Variants in PLXNA2 observed in about 807,000 individuals in gnomAD.
PLXNA2 encodes the protein plexin-A2.
PLXNA2 carries 91 observed loss-of-function variants against 193.5 expected under a neutral mutation model. The observed-to-expected ratio is 0.47, with a 90% CI of 0.40 to 0.56. PLXNA2 has a LOEUF of 0.56. Ranked by LOEUF, PLXNA2 falls within the 20% of genes least tolerant of loss-of-function variation. PLXNA2 has a pLI of 0.00. For synonymous variants in PLXNA2, 997 were observed against 1,027.3 expected, an observed-to-expected ratio of 0.97 and a Z score of 0.56; for missense variants, 1,995 against 2,503.2, an observed-to-expected ratio of 0.80 and a Z score of 4.33.
At chr1:208,059,011 A>G (rs1558170063) in intron 13 of PLXNA2, among the ~76,000 whole-genome samples, 1 of 151,848 alleles carries the variant, frequency 6.6e-6, no homozygotes, top group Non-Finnish European at 1.5e-5. Flanking sequence ...CTTACCTCCC[A>G]CCCTCACCCC....
At chr1:208,096,498 G>T (rs1224537186) in intron 7 of PLXNA2, among the ~76,000 whole-genome samples, 1 of 152,202 alleles carries the variant, frequency 6.6e-6, no homozygotes, top group Non-Finnish European at 1.5e-5. Context: ...GGAGGGACGG[G>T]CTATCTGGAA....
At chr1:208,230,889 G>A (rs539782703) in intron 1 of PLXNA2, among the ~76,000 whole-genome samples, 35 of 152,302 alleles carry the variant, frequency 2.3e-4, no homozygotes, top group Middle Eastern at 3.4e-3. Flanking sequence ...CACCAAGCAA[G>A]GGGAGTGCCA....
At chr1:208,054,587 T>C (rs1348302291) in intron 13 of PLXNA2, 49 bp from the exon 14 acceptor site, 1 of 1,310,340 alleles carries the variant, frequency 7.6e-7, no homozygotes, top group South Asian at 1.2e-5. Context: ...AGGGCTGGCA[T>C]CGCTGTTCAC....
chr1:208,039,706 C>A lies in PLXNA2; in HGVS notation c.4415G>T (p.Gly1472Val). 1.2e-6 allele frequency: 2 copies of A among 1,614,182 alleles called. No homozygotes were observed. The highest frequency in any genetic ancestry group is 1.7e-6 in the Non-Finnish European group (2 of 1,180,048). The part of the protein sequence containing the change: ...YCAIKQQMEK[G>V]PIDAITGEAR... ...CTCGCCCGTGATGGCATCAATGGGGCCCTTCTCCATCTGCTGCTTGATGGC... is the reference window on the plus strand; with the variant it reads ...CTCGCCCGTGATGGCATCAATGGGGACCTTCTCCATCTGCTGCTTGATGGC... The change falls in exon 24 of 32, where the codon GGC (glycine) becomes GTC (valine). Residue 1472 changes from glycine (G) to valine (V), a missense_variant. Transcript: ENST00000367033.
chr1:208,090,966 C>G (rs1354994765), intron 9 of PLXNA2, among the ~76,000 whole-genome samples: 1 of 152,216 alleles, frequency 6.6e-6, no homozygotes, highest in Non-Finnish European at 1.5e-5. Flanking sequence ...CCCTGCAGCT[C>G]TGTGTGAAAG....
At chr1:208,062,328 A>T (rs1244221834) in intron 12 of PLXNA2, among the ~76,000 whole-genome samples, 1 of 152,170 alleles carries the variant, frequency 6.6e-6, no homozygotes, top group Non-Finnish European at 1.5e-5. Context: ...CGGCAGGTGC[A>T]CTGCTCCCTT....
intron 17 of PLXNA2, 51 bp from the exon 18 acceptor site, chr1:208,046,168 C>A: frequency 6.4e-7 from 1 of 1,572,702 alleles, no homozygotes; most frequent in South Asian, 1.2e-5. Context: ...GGCACAGAGC[C>A]CAGGGGCCCA....
chr1:208,101,694 G>A (rs1483374674), intron 5 of PLXNA2, among the ~76,000 whole-genome samples: 7 of 152,248 alleles, frequency 4.6e-5, no homozygotes, highest in African/African-American at 1.7e-4. Context: ...GAAAACAGAC[G>A]TCCTTGCTGT....
At chr1:208,203,005 G>T (rs1351111972) in intron 3 of PLXNA2, among the ~76,000 whole-genome samples, 1 of 152,200 alleles carries the variant, frequency 6.6e-6, no homozygotes, top group African/African-American at 2.4e-5. Flanking sequence ...CTTCCCTGGG[G>T]TCTGCTGGGG....
At chr1:208,085,198 C>A (rs1179126364) in intron 9 of PLXNA2, among the ~76,000 whole-genome samples, 3 of 152,116 alleles carry the variant, frequency 2.0e-5, no homozygotes, top group Non-Finnish European at 2.9e-5. Context: ...TGGGAAGGAC[C>A]ATGAGAGAGA....
At chr1:208,192,405 G>C (rs907194324) in intron 3 of PLXNA2, among the ~76,000 whole-genome samples, 1 of 151,958 alleles carries the variant, frequency 6.6e-6, no homozygotes, top group Non-Finnish European at 1.5e-5. Context: ...AACATGTGAT[G>C]ATCAAACAGA....
intron 3 of PLXNA2, among the ~76,000 whole-genome samples, chr1:208,209,632 G>A (rs1034883331): frequency 3.3e-5 from 5 of 152,176 alleles, no homozygotes; most frequent in Non-Finnish European, 7.4e-5. Context: ...GACAGCCTGT[G>A]CCCTCCAGCT....
intron 3 of PLXNA2, among the ~76,000 whole-genome samples, chr1:208,148,033 A>T (rs1447402467): frequency 6.6e-6 from 1 of 152,214 alleles, no homozygotes; most frequent in Non-Finnish European, 1.5e-5. Context: ...ATGAGAATGA[A>T]ATAGTAACCC....
chr1:208,198,088 T>G (rs1670416959), intron 3 of PLXNA2, among the ~76,000 whole-genome samples: 1 of 152,188 alleles, frequency 6.6e-6, no homozygotes, highest in Non-Finnish European at 1.5e-5. Context: ...GGCTGCAAAT[T>G]TAATTCATAG....
chr1:208,051,514 G>T, intron 15 of PLXNA2, 91 bp from the exon 16 acceptor site: 3 of 996,112 alleles, frequency 3.0e-6, no homozygotes, highest in Non-Finnish European at 4.5e-6. Flanking sequence ...TTGGTCTGCG[G>T]GTAAGGCCAC....
chr1:208,038,624 G>T lies in PLXNA2; in HGVS notation c.4661-150C>A. ...AGGCTAGAGACATCTAGGGCTCCAT[G>T]GGCCCAGGCAGCAGAGGAAACACGT... On this transcript the variant is annotated intron_variant, in intron 25 of 31. Transcript: ENST00000367033. The surrounding 1 kb of genome is among the most constrained non-coding windows in gnomAD (Gnocchi z 4.1). 1 of 787,042 alleles carries T rather than the reference G, an allele frequency of 1.3e-6. No homozygotes were observed. The highest frequency in any genetic ancestry group is 2.1e-6 in the Non-Finnish European group (1 of 475,554). 48.8% of individuals were successfully genotyped at this position (787,042 alleles called of 1,614,324 possible).
At position 208,044,691 on chromosome 1, in the gene PLXNA2, C is replaced by T; in HGVS notation, c.3691G>A (p.Asp1231Asn). Residue 1231 changes from aspartate (D) to asparagine (N), a missense_variant, in exon 20 of 32, where the codon GAC (aspartate) becomes AAC (asparagine). Physicochemically the swap from Asp to Asn is conservative, Grantham distance 23 (BLOSUM62 1). Around this residue, in one of 3 missense-constraint regions of PLXNA2, gnomAD observed 1,291 missense variants for 1,673.6 expected, o/e 0.77. Coordinates refer to ENST00000367033, the MANE Select transcript of PLXNA2 (RefSeq NM_025179.4). This position sits in a 1 kb window ranked among gnomAD's most constrained non-coding sequence, Gnocchi z 4.9. Reference sequence around the variant, plus strand: ...ATGGCTGGCAGGGTCAGCAAGCTGTCTGAGATGACACTCACCGAGCCAGGC... The same window carrying T: ...ATGGCTGGCAGGGTCAGCAAGCTGTTTGAGATGACACTCACCGAGCCAGGC... Reference protein sequence around the residue: ...FSPGSVSVISDSLLTLPAIVS... With the variant: ...FSPGSVSVISNSLLTLPAIVS... 6.2e-7 allele frequency: 1 copy of T among 1,614,120 alleles called. No homozygotes were observed. The highest frequency in any genetic ancestry group is 8.5e-7 in the Non-Finnish European group (1 of 1,180,042).
chr1:208,167,389 C>T (rs1194998878), intron 3 of PLXNA2, among the ~76,000 whole-genome samples: 3 of 152,310 alleles, frequency 2.0e-5, no homozygotes, highest in East Asian at 3.9e-4. Flanking sequence ...AGCTGCCATT[C>T]CCTGGAGGAG....
At chr1:208,113,059 C>G (rs1324287057) in intron 4 of PLXNA2, among the ~76,000 whole-genome samples, 4 of 143,044 alleles carry the variant, frequency 2.8e-5, no homozygotes, top group Non-Finnish European at 4.5e-5. Flanking sequence ...TCCATGACAA[C>G]AGTGGATTTA....
Sources: gnomAD v4.1 joint callset for allele counts (sites outside exome capture counted in the v4.1 genomes callset) on GRCh38, gnomAD v4.1.1 for gene constraint, gnomAD v4.1.1 regional missense constraint, Gnocchi (gnomAD v3.1) non-coding constraint, MANE v1.5 for transcripts, NCBI Gene and HGNC (gene_info 2026-07-23, HGNC 2026-07-21) for gene names.